KALRN: variants seen among roughly 807,000 people sequenced by gnomAD.
KALRN encodes kalirin.
Under a neutral mutation model 353.7 loss-of-function variants are expected in KALRN, and 70 were observed. The observed-to-expected ratio is 0.20, with a 90% CI of 0.16 to 0.24. KALRN has a LOEUF of 0.24. Among genes scored for constraint, KALRN ranks in the 10% least tolerant of loss-of-function variants. The pLI, the probability that KALRN is intolerant of heterozygous loss-of-function variation, is 1.00. For missense variants in KALRN, 2,791 were observed against 3,756.7 expected, an observed-to-expected ratio of 0.74 and a Z score of 6.72; for synonymous variants, 1,391 against 1,434.8, an observed-to-expected ratio of 0.97 and a Z score of 0.69.
chr3:124,560,189 CA>C (rs898710738), intron 33 of KALRN, among the ~76,000 whole-genome samples: 1 of 152,242 alleles, frequency 6.6e-6, no homozygotes, highest in Admixed American at 6.5e-5. Flanking sequence ...GGGCTGTTTG[CA>C]ACTAGAGCTT....
chr3:124,719,484 C>A lies in KALRN; in HGVS notation c.*14C>A, dbSNP rs764116194. On this transcript the variant is annotated 3_prime_UTR_variant, in exon 60 of 60. Transcript: ENST00000682506. The surrounding 1 kb of genome is among the most constrained non-coding windows in gnomAD (Gnocchi z 5.3). ...CAAGGGACGTAGCCATCTCCCAGCC[C>A]CTATGGTTTCACATAGACGTGCAGT... 2.5e-6 allele frequency: 4 copies of A among 1,603,928 alleles called. No individual in the cohort carries two copies. The African/African-American group carries it at 4.0e-5, about 16-fold the overall frequency.
chr3:124,493,033 C>A (rs1460355777), intron 32 of KALRN, 151 bp downstream of exon 32: 1 of 768,464 alleles, frequency 1.3e-6, no homozygotes, highest in East Asian at 2.7e-5. Flanking sequence ...GTCATCTGAT[C>A]TTTAAGCATC....
intron 1 of KALRN, chr3:124,164,568 C>T (rs60065908): frequency 6.6e-6 from 1 of 152,094 alleles, no homozygotes; most frequent in African/African-American, 2.4e-5. Flanking sequence ...TGAATAAACT[C>T]TCAGTTTACA....
intron 33 of KALRN, among the ~76,000 whole-genome samples, chr3:124,502,526 A>C (rs932074561): frequency 6.6e-6 from 1 of 152,226 alleles, no homozygotes; most frequent in Non-Finnish European, 1.5e-5. Flanking sequence ...ATGGGTTTTC[A>C]AATCAGGTAT....
intron 15 of KALRN, among the ~76,000 whole-genome samples, chr3:124,427,756 T>C (rs1466620641): frequency 1.3e-5 from 2 of 152,214 alleles, no homozygotes; most frequent in African/African-American, 4.8e-5. Context: ...CTGATTTTCT[T>C]GGATACCCTA....
chr3:124,607,768 C>A (rs1160769979), intron 34 of KALRN, among the ~76,000 whole-genome samples: 1 of 151,968 alleles, frequency 6.6e-6, no homozygotes, highest in Non-Finnish European at 1.5e-5. Context: ...AGACATGTAC[C>A]ACTATGCCTG....
At chr3:124,390,075 G>C (rs994087822) in intron 11 of KALRN, among the ~76,000 whole-genome samples, 1 of 152,180 alleles carries the variant, frequency 6.6e-6, no homozygotes, top group Non-Finnish European at 1.5e-5. Flanking sequence ...CAAGAGGGCA[G>C]CCAGCTTTGT....
chr3:124,130,569 G>T (rs1188340329), intron 1 of KALRN, among the ~76,000 whole-genome samples: 5 of 151,938 alleles, frequency 3.3e-5, no homozygotes, highest in South Asian at 4.2e-4. Flanking sequence ...ACTTTAAAGA[G>T]AATTTTCATG....
At chr3:124,534,878 A>T (rs912966443) in intron 33 of KALRN, among the ~76,000 whole-genome samples, 10 of 152,182 alleles carry the variant, frequency 6.6e-5, no homozygotes, top group African/African-American at 2.2e-4. Flanking sequence ...AGAGACAATA[A>T]ACAAACCAAG....
chr3:124,149,590 T>C (rs1253044889), intron 1 of KALRN, among the ~76,000 whole-genome samples: 1 of 152,200 alleles, frequency 6.6e-6, no homozygotes, highest in Non-Finnish European at 1.5e-5. Flanking sequence ...ATGACAAATA[T>C]GTTCTATCCA....
At chr3:124,539,544 A>G in intron 33 of KALRN, among the ~76,000 whole-genome samples, 1 of 152,202 alleles carries the variant, frequency 6.6e-6, no homozygotes, top group East Asian at 1.9e-4. Context: ...GCTCAGCACA[A>G]AGCAAAACAG....
intron 26 of KALRN, among the ~76,000 whole-genome samples, chr3:124,475,574 G>A (rs1022790477): frequency 6.6e-6 from 1 of 152,098 alleles, no homozygotes; most frequent in Non-Finnish European, 1.5e-5. Flanking sequence ...ACCCATAAGG[G>A]GCTAATTGCC....
At chr3:124,366,216 AT>A (rs2084673927) in intron 10 of KALRN, among the ~76,000 whole-genome samples, 5 of 148,248 alleles carry the variant, frequency 3.4e-5, no homozygotes. Context: ...TTTTTAATTT[AT>A]TTTTTTATTG....
intron 34 of KALRN, among the ~76,000 whole-genome samples, chr3:124,625,613 T>C (rs2079859755): frequency 6.6e-6 from 1 of 152,052 alleles, no homozygotes; most frequent in Non-Finnish European, 1.5e-5. Flanking sequence ...CAAGTAAAAC[T>C]GATTCTTTAC....
chr3:124,094,770 T>A, intron 1 of KALRN: 1 of 1,384,638 alleles, frequency 7.2e-7, no homozygotes, highest in African/African-American at 1.4e-5. Context: ...TCCGGCCTCC[T>A]CGAGTCAGCG....
intron 51 of KALRN, among the ~76,000 whole-genome samples, chr3:124,683,443 G>A (rs2061428416): frequency 6.6e-6 from 1 of 152,144 alleles, no homozygotes. Flanking sequence ...CTGCCCCCTA[G>A]CCCCAGCATT....
intron 1 of KALRN, among the ~76,000 whole-genome samples, chr3:124,193,773 A>G (rs942179041): frequency 6.6e-6 from 1 of 151,656 alleles, no homozygotes; most frequent in Non-Finnish European, 1.5e-5. Context: ...TCTTTAATAT[A>G]TTTTCCCTAA....
intron 34 of KALRN, among the ~76,000 whole-genome samples, chr3:124,603,363 T>C (rs954164514): frequency 6.6e-6 from 1 of 152,214 alleles, no homozygotes; most frequent in Non-Finnish European, 1.5e-5. Context: ...AGCCTCTAAT[T>C]GATTCACTTA....
At chr3:124,283,558 A>G (rs2075551602) in intron 5 of KALRN, among the ~76,000 whole-genome samples, 1 of 152,136 alleles carries the variant, frequency 6.6e-6, no homozygotes, top group African/African-American at 2.4e-5. Context: ...TGGCTCCTGG[A>G]TGACCATTCC....
Sources: gnomAD v4.1 joint callset for allele counts (sites outside exome capture counted in the v4.1 genomes callset) on GRCh38, gnomAD v4.1.1 for gene constraint, Gnocchi (gnomAD v3.1) non-coding constraint, MANE v1.5 for transcripts, NCBI Gene and HGNC (gene_info 2026-07-23, HGNC 2026-07-21) for gene names.